The following VPS36 variants were observed in gnomAD, a reference collection of about 807,000 sequenced individuals.
VPS36 encodes the protein vacuolar protein sorting 36 homolog.
Under a neutral mutation model 63.5 loss-of-function variants are expected in VPS36, and 31 were observed. That is an observed-to-expected ratio of 0.49 (90% CI 0.37 to 0.66). The LOEUF is 0.66. Among genes scored for constraint, VPS36 ranks in the 30% least tolerant of loss-of-function variants. The probability of loss-of-function intolerance (pLI) is 0.00; values close to 1 mark genes in which losing one functional copy is unlikely to be tolerated. For missense variants in VPS36, 338 were observed against 463.7 expected (o/e 0.73, Z 2.49); for synonymous variants, 138 against 157.2 (o/e 0.88, Z 0.91).
At chr13:52,431,010 T>C (rs1958149849) in intron 6 of VPS36, among the ~76,000 whole-genome samples, 1 of 151,860 alleles carries the variant, frequency 6.6e-6, no homozygotes, top group Non-Finnish European at 1.5e-5. Context: ...ACATGGCAGA[T>C]ACAGGGAATA....
chr13:52,416,028 T>TAGG lies in VPS36; in HGVS notation c.1053_1055dup (p.Leu352dup), dbSNP rs1850976495. The TAGG allele has an allele frequency of 6.2e-7, 1 of 1,613,872 alleles. No homozygotes were observed. The highest frequency in any genetic ancestry group is 1.7e-5 in the Admixed American group (1 of 59,978). Reference sequence around the variant, plus strand: ...AGAACCTTACTTACCTTTCTTTGGCTAGGAGGACAGACATTCCCACAAGCT... The same window carrying TAGG: ...AGAACCTTACTTACCTTTCTTTGGCTAGGAGGAGGACAGACATTCCCACAAGCT... On this transcript the variant is annotated inframe_insertion, in exon 13 of 14. Transcript: ENST00000378060.
intron 1 of VPS36, among the ~76,000 whole-genome samples, chr13:52,447,979 C>A (rs1958362324): frequency 6.6e-6 from 1 of 152,082 alleles, no homozygotes; most frequent in Admixed American, 6.6e-5. Flanking sequence ...CAGTAAAATA[C>A]CTCATATTCT....
In VPS36 at chr13:52,415,946, C is replaced by A. The variant is rs749746157; in HGVS notation, c.1068-23G>T. On this transcript the variant is annotated intron_variant, in intron 13 of 13. Transcript: ENST00000378060. ...AACCTAAAAAAAAACAACAAAAAAACCCCCACACAATTATCTGTTCATGCA... is the reference window on the plus strand; with the variant it reads ...AACCTAAAAAAAAACAACAAAAAAAACCCCACACAATTATCTGTTCATGCA... 8.4e-5 allele frequency: 136 copies of A among 1,612,538 alleles called. No homozygotes were observed. The Middle Eastern group carries it at 9.9e-4, about 12-fold the overall frequency.
Position 52,446,766 on chromosome 13 carries a change from A to T in VPS36, c.96+3733T>A, listed in dbSNP as rs185430529. Among the ~76,000 whole-genome samples the T allele has an allele frequency of 7.2e-5, 11 of 152,296 alleles. No homozygotes were observed. In the East Asian group the frequency reaches 2.1e-3, roughly 29 times the overall value. On this transcript the variant is annotated intron_variant, in intron 1 of 13. Coordinates refer to ENST00000378060, the MANE Select transcript of VPS36 (RefSeq NM_016075.4). ...TATACACAGATGTTTATGTATACAT[A>T]TATAACCTTTAAATAGAATGATAGG...
intron 6 of VPS36, among the ~76,000 whole-genome samples, chr13:52,428,747 T>A (rs1180237514): frequency 1.3e-5 from 2 of 152,148 alleles, no homozygotes; most frequent in Non-Finnish European, 1.5e-5. Context: ...GATTTTTTTA[T>A]CTGTGTAAAG....
chr13:52,449,978 T>A, intron 1 of VPS36: 1 of 985,706 alleles, frequency 1.0e-6, no homozygotes, highest in Non-Finnish European at 1.2e-6. Context: ...TCTGCCCAGA[T>A]ATGCTAATCC....
chr13:52,423,618 G>C lies in VPS36; in HGVS notation c.796C>G (p.Leu266Val). 6.2e-7 allele frequency: 1 copy of C among 1,611,230 alleles called. No homozygotes were observed. The highest frequency in any genetic ancestry group is 8.5e-7 in the Non-Finnish European group (1 of 1,178,780). ...TTTACTAAGCAGTACACCTCCGTGA[G>C]TGACATTATTCCCCCTCGTTCCTGT... ...PLEERGGIMS[L>V]TEVYCLVNRA... is the part of the protein sequence containing the mutation. Residue 266 changes from leucine (L) to valine (V), a missense_variant, in exon 10 of 14, where the codon CTC becomes GTC. Leu to Val is a conservative substitution (Grantham distance 32). Coordinates refer to ENST00000378060, the MANE Select transcript of VPS36 (RefSeq NM_016075.4).
At chr13:52,431,539 C>A (rs747742680) in intron 6 of VPS36, among the ~76,000 whole-genome samples, 1 of 151,680 alleles carries the variant, frequency 6.6e-6, no homozygotes, top group East Asian at 1.9e-4. Context: ...CCGAGGCAGG[C>A]GGTTCACGAG....
rs1158357269 is a variant in VPS36 at position 52,439,924 on chromosome 13, A to G, written c.166-756T>C. 2.6e-5 allele frequency among the ~76,000 whole-genome samples: 4 copies of G among 152,066 alleles called. No individual in the cohort carries two copies. The South Asian group carries it at 6.2e-4, about 24-fold the overall frequency. ...TACTTCACTCATATGCCCATATACA[A>G]TTATTAACAGTTTTAAACAGAAAAT... On this transcript the variant is annotated intron_variant, in intron 2 of 13. Coordinates refer to ENST00000378060, the MANE Select transcript of VPS36 (RefSeq NM_016075.4).
chr13:52,446,192 G>A (rs1313000128), intron 1 of VPS36, among the ~76,000 whole-genome samples: 2 of 151,670 alleles, frequency 1.3e-5, no homozygotes, highest in African/African-American at 4.8e-5. Context: ...CTTGAACCCG[G>A]GAAGCAGAGG....
intron 11 of VPS36, among the ~76,000 whole-genome samples, chr13:52,417,563 T>A (rs1196154252): frequency 1.3e-5 from 2 of 152,220 alleles, no homozygotes; most frequent in Non-Finnish European, 2.9e-5. Flanking sequence ...TTTCTCCATG[T>A]TGGTCAGGTT....
rs574610506 is a variant in VPS36, at chr13:52,429,351, T to C, written c.529-2132A>G. On this transcript the variant is annotated intron_variant, in intron 6 of 13. Coordinates refer to ENST00000378060, the MANE Select transcript of VPS36 (RefSeq NM_016075.4). ...ATTCCCTTTTCCTGGGTTCTTCTTA[T>C]CCATGCTGGTCATCTGCTAGAGCCT... The C allele has an allele frequency of 1.8e-4, 169 of 942,084 alleles. 1 individual carries two copies. In the African/African-American group the frequency reaches 2.9e-3, roughly 16 times the overall value. The allele number at this position is 942,084 out of a possible 1,614,324, so 58.4% of individuals were successfully genotyped here.
At chr13:52,436,081 C>T (rs919015896) in intron 4 of VPS36, 2 of 426,282 alleles carry the variant, frequency 4.7e-6, no homozygotes, top group Non-Finnish European at 8.4e-6. Context: ...ACCTCTGCTT[C>T]CCATTCCCAC....
chr13:52,448,779 A>G (rs1566092461), intron 1 of VPS36, among the ~76,000 whole-genome samples: 1 of 152,168 alleles, frequency 6.6e-6, no homozygotes, highest in Non-Finnish European at 1.5e-5. Context: ...GTTCCATAGA[A>G]CAGTATCATG....
chr13:52,427,161 A>C (rs1282741327), intron 7 of VPS36, 26 bp downstream of exon 7: 3 of 1,611,208 alleles, frequency 1.9e-6, no homozygotes, highest in Non-Finnish European at 2.5e-6. Context: ...ATTGGTATGA[A>C]TTTAATAGGC....
chr13:52,445,700 G>A lies in VPS36; in HGVS notation c.97-3255C>T, dbSNP rs1262261404. Among the ~76,000 whole-genome samples, 19 of 142,252 alleles carry A rather than the reference G, an allele frequency of 1.3e-4. 2 individuals carry two copies. Among genetic ancestry groups the A allele is most frequent in the African/African-American group, 4.5e-4 (17 of 37,942 alleles). The allele number at this position is 142,252 out of a possible 152,430, so 93.3% of individuals were successfully genotyped here. A position where few individuals can be genotyped will look rare whatever the true frequency, so the allele number is the denominator to read the frequency against. ...CGCCTGTAATCCCAGCACTTTGGGA[G>A]GCCTAGGCGGGCGGATCACGAGGTC... On this transcript the variant is annotated intron_variant, in intron 1 of 13. Transcript: ENST00000378060.
chr13:52,422,271 T>C lies in VPS36; in HGVS notation c.840+1303A>G, dbSNP rs146199978. On this transcript the variant is annotated intron_variant, in intron 10 of 13. Transcript: ENST00000378060. The stretch of plus-strand genomic sequence containing the variant: ...AACATAAGGACTTCCAGTTTCTCCA[T>C]GTTGCTGCAAATGATGTGATTTCAT... Among the ~76,000 whole-genome samples, 403 of 152,278 alleles carry C rather than the reference T, an allele frequency of 2.6e-3. 3 individuals are homozygous for C. The highest frequency in any genetic ancestry group is 9.2e-3 in the African/African-American group (381 of 41,562).
chr13:52,429,355 T>A (rs1169120595), intron 6 of VPS36: 1 of 939,974 alleles, frequency 1.1e-6, no homozygotes, highest in African/African-American at 1.8e-5. Flanking sequence ...TTCTTATCCA[T>A]GCTGGTCATC....
At chr13:52,424,480 T>C (rs960332678) in intron 9 of VPS36, among the ~76,000 whole-genome samples, 1 of 152,190 alleles carries the variant, frequency 6.6e-6, no homozygotes, top group Non-Finnish European at 1.5e-5. Context: ...ACCTTTATTA[T>C]AAATACCAGT....
Sources: allele counts gnomAD v4.1 joint callset (sites outside exome capture counted in the v4.1 genomes callset), GRCh38; gene constraint gnomAD v4.1.1; transcripts MANE v1.5; gene names NCBI Gene and HGNC (gene_info 2026-07-23, HGNC 2026-07-21).